BRINP3: variants seen among roughly 807,000 people sequenced by gnomAD.
BRINP3 encodes BMP/retinoic acid-inducible neural-specific protein 3.
BRINP3 carries 19 observed loss-of-function variants against 71.0 expected under a neutral mutation model. That is an observed-to-expected ratio of 0.27 (90% CI 0.19 to 0.39). BRINP3 has a LOEUF of 0.39. Among genes scored for constraint, BRINP3 ranks in the 10% least tolerant of loss-of-function variants. The probability of loss-of-function intolerance (pLI) is 1.00; values close to 1 mark genes in which losing one functional copy is unlikely to be tolerated. For synonymous variants in BRINP3, 380 were observed against 337.7 expected (o/e 1.13, Z -1.37); for missense variants, 959 against 940.8 (o/e 1.02, Z -0.25).
intron 7 of BRINP3, among the ~76,000 whole-genome samples, chr1:190,115,842 G>T (rs1239130492): frequency 6.6e-6 from 1 of 152,044 alleles, no homozygotes; most frequent in East Asian, 1.9e-4. Context: ...TTCTGAACAG[G>T]TTCTACCTAT....
At chr1:190,341,688 AAG>A (rs1009635210) in intron 2 of BRINP3, among the ~76,000 whole-genome samples, 16 of 151,810 alleles carry the variant, frequency 1.1e-4, no homozygotes, top group African/African-American at 3.9e-4. Flanking sequence ...AGATGGGAAA[AAG>A]AGGCAGAAAT....
At chr1:190,448,982 C>T (rs980021307) in intron 2 of BRINP3, among the ~76,000 whole-genome samples, 4 of 151,772 alleles carry the variant, frequency 2.6e-5, no homozygotes, top group Non-Finnish European at 5.9e-5. Flanking sequence ...ATTTGAATTT[C>T]CACTCTCTGC....
At chr1:190,165,520 GGTTTAGACGCAATACTAAGTACT>G (rs1651449826) in intron 6 of BRINP3, among the ~76,000 whole-genome samples, 1 of 123,116 alleles carries the variant, frequency 8.1e-6, no homozygotes, top group African/African-American at 3.2e-5. Flanking sequence ...GTCTACAGTT[GGTTTAGACGCAATACTAAGTACT>G]AATTCCAAAG....
chr1:190,443,174 T>G (rs537097171), intron 2 of BRINP3, among the ~76,000 whole-genome samples: 1 of 152,142 alleles, frequency 6.6e-6, no homozygotes, highest in Non-Finnish European at 1.5e-5. Flanking sequence ...GCTGGGATTA[T>G]GGGCGTGAGC....
At chr1:190,203,200 T>C (rs1655160236) in intron 6 of BRINP3, among the ~76,000 whole-genome samples, 1 of 152,104 alleles carries the variant, frequency 6.6e-6, no homozygotes, top group South Asian at 2.1e-4. Context: ...ATTGTTAATA[T>C]GAAGTGTAGT....
At chr1:190,412,563 CG>C (rs1672758577) in intron 2 of BRINP3, among the ~76,000 whole-genome samples, 1 of 146,814 alleles carries the variant, frequency 6.8e-6, no homozygotes, top group African/African-American at 2.5e-5. Flanking sequence ...CCCGGGTTCA[CG>C]CCATTCTCCT....
chr1:190,362,031 G>A (rs548997089), intron 2 of BRINP3: 6 of 152,050 alleles, frequency 3.9e-5, no homozygotes, highest in African/African-American at 7.2e-5. Flanking sequence ...CAGATAACTT[G>A]GTCACTCTCT....
chr1:190,414,515 T>G (rs148270991), intron 2 of BRINP3, among the ~76,000 whole-genome samples: 1 of 152,328 alleles, frequency 6.6e-6, no homozygotes, highest in Non-Finnish European at 1.5e-5. Flanking sequence ...GTTTTCTGTC[T>G]TTGTATTCTG....
intron 4 of BRINP3, among the ~76,000 whole-genome samples, chr1:190,251,942 T>C (rs1008062487): frequency 2.6e-5 from 4 of 151,414 alleles, no homozygotes; most frequent in African/African-American, 9.8e-5. Context: ...CAGACAATGA[T>C]GATTAATAAA....
At chr1:190,459,054 TA>T (rs1676203944) in intron 1 of BRINP3, among the ~76,000 whole-genome samples, 2 of 147,314 alleles carry the variant, frequency 1.4e-5, no homozygotes, top group East Asian at 2.0e-4. Flanking sequence ...GTTTTTTTCA[TA>T]AAAAATAAGT....
chr1:190,135,170 A>C (rs1308868530), intron 7 of BRINP3, among the ~76,000 whole-genome samples: 1 of 152,126 alleles, frequency 6.6e-6, no homozygotes, highest in African/African-American at 2.4e-5. Flanking sequence ...ACAAATGCAT[A>C]TGGGAATTAA....
At chr1:190,293,249 ATTT>A (rs1266322806) in intron 2 of BRINP3, among the ~76,000 whole-genome samples, 5 of 151,670 alleles carry the variant, frequency 3.3e-5, no homozygotes, top group African/African-American at 9.7e-5. Context: ...GACATTTTAA[ATTT>A]TTCTTTTTTA....
intron 5 of BRINP3, among the ~76,000 whole-genome samples, chr1:190,230,986 T>C (rs2102723730): frequency 6.6e-6 from 1 of 151,612 alleles, no homozygotes; most frequent in South Asian, 2.1e-4. Flanking sequence ...ATATTAATTA[T>C]CATATAGTAT....
intron 1 of BRINP3, among the ~76,000 whole-genome samples, chr1:190,466,898 T>A (rs936984502): frequency 6.6e-6 from 1 of 151,496 alleles, no homozygotes; most frequent in Non-Finnish European, 1.5e-5. Context: ...TTATTATAAT[T>A]TAAAAAAATT....
intron 6 of BRINP3, among the ~76,000 whole-genome samples, chr1:190,164,613 C>T (rs909496342): frequency 1.7e-4 from 26 of 152,142 alleles, no homozygotes; most frequent in African/African-American, 6.3e-4. Flanking sequence ...TTTTTAGAGA[C>T]AAGGTTTCAC....
chr1:190,224,724 C>T (rs1329216634), intron 6 of BRINP3, among the ~76,000 whole-genome samples: 1 of 151,850 alleles, frequency 6.6e-6, no homozygotes, highest in African/African-American at 2.4e-5. Context: ...TATTTACAAA[C>T]CATTCATCTG....
intron 2 of BRINP3, among the ~76,000 whole-genome samples, chr1:190,323,862 C>G (rs1457745482): frequency 6.6e-6 from 1 of 151,806 alleles, no homozygotes; most frequent in Admixed American, 6.6e-5. Flanking sequence ...AAGTCTTAGT[C>G]TTTTATTTTT....
rs1251364007 is a variant in BRINP3 at position 190,236,998 on chromosome 1, C to T, written c.619-2521G>A. 4.6e-5 allele frequency among the ~76,000 whole-genome samples: 7 copies of T among 151,866 alleles called. No individual in the cohort carries two copies. In the East Asian group the frequency reaches 1.2e-3, roughly 25 times the overall value. ...AAGGTAAACTCCTCTAACACTTCAT[C>T]CTTAAAAGAAGGTAAATAATATTAC... is the stretch of plus-strand genomic sequence containing the variant. On this transcript the variant is annotated intron_variant, in intron 4 of 7. Transcript: ENST00000367462.
At chr1:190,254,141 C>A (rs1660423449) in intron 4 of BRINP3, among the ~76,000 whole-genome samples, 1 of 152,044 alleles carries the variant, frequency 6.6e-6, no homozygotes, top group Non-Finnish European at 1.5e-5. Context: ...TAATTTAGTA[C>A]CAGTACCATG....
Sources: gnomAD v4.1 joint callset for allele counts (sites outside exome capture counted in the v4.1 genomes callset) on GRCh38, gnomAD v4.1.1 for gene constraint, MANE v1.5 for transcripts, NCBI Gene and HGNC (gene_info 2026-07-23, HGNC 2026-07-21) for gene names.